Variants in SND1 observed in about 807,000 individuals in gnomAD.
SND1 encodes the protein staphylococcal nuclease domain-containing protein 1.
In SND1, 38 loss-of-function variants were observed where a neutral mutation model predicts 121.7. That is an observed-to-expected ratio of 0.31 (90% CI 0.24 to 0.41). The LOEUF is 0.41. Ranked by LOEUF, SND1 falls within the 10% of genes least tolerant of loss-of-function variation. The probability of loss-of-function intolerance (pLI) is 1.00; values close to 1 mark genes in which losing one functional copy is unlikely to be tolerated. For synonymous variants in SND1, 401 were observed against 447.4 expected, an observed-to-expected ratio of 0.90 and a Z score of 1.31; for missense variants, 868 against 1,184.6, an observed-to-expected ratio of 0.73 and a Z score of 3.92.
intron 11 of SND1, among the ~76,000 whole-genome samples, chr7:127,837,514 G>T (rs1798888570): frequency 6.6e-6 from 1 of 152,144 alleles, no homozygotes; most frequent in Non-Finnish European, 1.5e-5. Context: ...CCATTACACA[G>T]TACTTGCCTA....
chr7:127,941,003 C>T (rs1801186768), intron 15 of SND1, among the ~76,000 whole-genome samples: 2 of 152,244 alleles, frequency 1.3e-5, no homozygotes, highest in African/African-American at 4.8e-5. Flanking sequence ...TGCTCTTCGT[C>T]TCAGTGCTGT....
rs74699449 is a variant in SND1, at chr7:127,882,536, T to C, written c.1344-5366T>C. ...TTCCTAGCCAAGTTTTCCCAGCATG[T>C]AATCAAGGACGATAACTTTCTGCAT... is the stretch of plus-strand genomic sequence containing the variant. On this transcript the variant is annotated intron_variant, in intron 12 of 23. Coordinates refer to ENST00000354725, the MANE Select transcript of SND1 (RefSeq NM_014390.4). 7.9e-3 allele frequency among the ~76,000 whole-genome samples: 1,202 copies of C among 152,170 alleles called. 18 individuals are homozygous for C. The highest frequency in any genetic ancestry group is 0.027 in the African/African-American group (1,123 of 41,526).
intron 11 of SND1, among the ~76,000 whole-genome samples, chr7:127,811,283 G>A (rs73721008): frequency 0.017 from 2,582 of 152,242 alleles, 92 homozygotes; most frequent in African/African-American, 0.059. Flanking sequence ...AATCCAGATT[G>A]CCTTAGATTG....
intron 14 of SND1, among the ~76,000 whole-genome samples, chr7:127,908,621 T>G (rs565121076): frequency 5.3e-5 from 8 of 152,280 alleles, no homozygotes; most frequent in African/African-American, 1.9e-4. Flanking sequence ...GACTTGGTAC[T>G]AGGTCTTACT....
At chr7:128,063,439 C>T (rs755007596) in intron 16 of SND1, among the ~76,000 whole-genome samples, 4 of 152,098 alleles carry the variant, frequency 2.6e-5, no homozygotes, top group Non-Finnish European at 5.9e-5. Context: ...GCATGCTTGT[C>T]GTGGCAGGGG....
intron 15 of SND1, among the ~76,000 whole-genome samples, chr7:127,977,723 A>G (rs1802155748): frequency 6.6e-6 from 1 of 152,244 alleles, no homozygotes; most frequent in South Asian, 2.1e-4. Flanking sequence ...ATCGATCAGA[A>G]GATTCTTGGC....
chr7:127,809,002 A>G (rs1417684329), intron 11 of SND1, among the ~76,000 whole-genome samples: 2 of 152,146 alleles, frequency 1.3e-5, no homozygotes, highest in African/African-American at 2.4e-5. Flanking sequence ...TATGGCATCC[A>G]CCTGGTTTAT....
chr7:128,012,045 G>A (rs899741083), intron 16 of SND1, among the ~76,000 whole-genome samples: 2 of 152,102 alleles, frequency 1.3e-5, no homozygotes, highest in African/African-American at 4.8e-5. Context: ...AAGCTCCCCA[G>A]GCAATTTTAA....
At chr7:127,764,533 T>G (rs1797375716) in intron 10 of SND1, among the ~76,000 whole-genome samples, 2 of 152,134 alleles carry the variant, frequency 1.3e-5, no homozygotes, top group Non-Finnish European at 2.9e-5. Context: ...CTGCATAGAG[T>G]AGAGTAACAA....
intron 16 of SND1, chr7:127,999,098 G>A (rs1342166648): frequency 1.3e-5 from 2 of 152,218 alleles, no homozygotes; most frequent in Non-Finnish European, 2.9e-5. Flanking sequence ...GCTGACTGGT[G>A]TAGGTTTGGT....
chr7:128,029,176 TG>T lies in SND1; in HGVS notation c.1779+38122del. ...GTCTGAATGAGCACCGTGGTAGAGGTGGTATATGCCGGCTGGTAACCAGTGG... is the reference window on the plus strand; with the variant it reads ...GTCTGAATGAGCACCGTGGTAGAGGTGTATATGCCGGCTGGTAACCAGTGG... On this transcript the variant is annotated intron_variant, in intron 16 of 23. Transcript: ENST00000354725. The surrounding 1 kb of genome is among the most constrained non-coding windows in gnomAD (Gnocchi z 4.2). The T allele has an allele frequency of 6.2e-7, 1 of 1,613,750 alleles. No individual in the cohort carries two copies. The highest frequency in any genetic ancestry group is 8.5e-7 in the Non-Finnish European group (1 of 1,179,962).
At chr7:127,998,753 C>A (rs1463257632) in intron 16 of SND1, 1 of 152,200 alleles carries the variant, frequency 6.6e-6, no homozygotes, top group Non-Finnish European at 1.5e-5. Context: ...TAGAAATGTA[C>A]CATGGGGGAC....
chr7:127,907,371 G>C (rs1800362073), intron 14 of SND1, among the ~76,000 whole-genome samples: 3 of 152,234 alleles, frequency 2.0e-5, no homozygotes, highest in Admixed American at 2.0e-4. Context: ...TGTGAGGTCA[G>C]ATGGGCAGAC....
chr7:127,712,861 G>A (rs1157608554), intron 9 of SND1, among the ~76,000 whole-genome samples: 1 of 152,184 alleles, frequency 6.6e-6, no homozygotes, highest in Non-Finnish European at 1.5e-5. Flanking sequence ...ATTGTAGGCT[G>A]CAACATAATA....
rs140901233 is a variant in SND1 at position 128,023,882 on chromosome 7, T to C, written c.1779+32826T>C. ...ACACACATACATATATAATTATATA[T>C]GTAAAATTTCAATTCTCACAATCTG... On this transcript the variant is annotated intron_variant, in intron 16 of 23. Transcript: ENST00000354725. Among the ~76,000 whole-genome samples, 52 of 152,322 alleles carry C rather than the reference T, an allele frequency of 3.4e-4. No individual in the cohort carries two copies. The East Asian group carries it at 9.6e-3, about 28-fold the overall frequency.
At chr7:128,051,001 T>C (rs149760128) in intron 16 of SND1, among the ~76,000 whole-genome samples, 1,755 of 152,324 alleles carry the variant, frequency 0.012, 24 homozygotes, top group South Asian at 0.034. Context: ...TAGCTTCACT[T>C]GCTTGAGTGA....
intron 1 of SND1, among the ~76,000 whole-genome samples, chr7:127,680,671 G>A (rs1416246691): frequency 6.6e-6 from 1 of 151,212 alleles, no homozygotes; most frequent in South Asian, 2.1e-4. Context: ...TTTTTTCAAG[G>A]TGCCCAGATT....
rs10655402 is a variant in SND1 at position 127,880,716 on chromosome 7, GGT to G, written c.1344-7165_1344-7164del. Among the ~76,000 whole-genome samples, 173 of 149,442 alleles carry G rather than the reference GGT, an allele frequency of 1.2e-3. 1 individual carries two copies. Among genetic ancestry groups the G allele is most frequent in the Non-Finnish European group, 2.0e-3 (137 of 67,214 alleles). On this transcript the variant is annotated intron_variant, in intron 12 of 23. Coordinates refer to ENST00000354725, the MANE Select transcript of SND1 (RefSeq NM_014390.4). ...ATCCTTTTCAGCTGGAGAATGCAGG[GGT>G]GTGTGTGTGTGTGTGTGTGTATAAT... is the stretch of plus-strand genomic sequence containing the variant.
chr7:127,997,577 CT>C (rs1051989861), intron 16 of SND1: 1 of 424,032 alleles, frequency 2.4e-6, no homozygotes, highest in Non-Finnish European at 4.8e-6. Context: ...TCTAATGTTT[CT>C]TAAAAGACAA....
Sources: gnomAD v4.1 joint callset for allele counts (sites outside exome capture counted in the v4.1 genomes callset) on GRCh38, gnomAD v4.1.1 for gene constraint, Gnocchi (gnomAD v3.1) non-coding constraint, MANE v1.5 for transcripts, NCBI Gene and HGNC (gene_info 2026-07-23, HGNC 2026-07-21) for gene names.